Variants in SNX24 observed in about 807,000 individuals in gnomAD.
SNX24 encodes sorting nexin 24.
In SNX24, 22 loss-of-function variants were observed where a neutral mutation model predicts 28.7. The observed-to-expected ratio is 0.77, with a 90% CI of 0.55 to 1.10. SNX24 has a LOEUF of 1.10. SNX24 is among the 50% of genes least tolerant of loss of function. The pLI is 0.00. For synonymous variants in SNX24, 69 were observed against 71.5 expected, an observed-to-expected ratio of 0.96 and a Z score of 0.18; for missense variants, 221 against 201.1, an observed-to-expected ratio of 1.10 and a Z score of -0.60.
At chr5:122,845,773 G>A in intron 1 of SNX24, 80 bp downstream of exon 1, 1 of 832,828 alleles carries the variant, frequency 1.2e-6, no homozygotes, top group Non-Finnish European at 1.7e-6. Context: ...CTTGGCCGCC[G>A]CCGCCTTGGC....
chr5:122,855,881 T>A (rs1470612424), intron 1 of SNX24, among the ~76,000 whole-genome samples: 1 of 152,174 alleles, frequency 6.6e-6, no homozygotes, highest in East Asian at 1.9e-4. Context: ...TAGTGAGGCC[T>A]AAGGAGAGGG....
chr5:122,964,778 T>C (rs1422252769), intron 3 of SNX24, among the ~76,000 whole-genome samples: 2 of 152,208 alleles, frequency 1.3e-5, no homozygotes, highest in Admixed American at 6.5e-5. Context: ...TTGAAGAAGC[T>C]GCCAAATATC....
intron 1 of SNX24, 97 bp downstream of exon 1, chr5:122,845,790 G>T (rs1432630284): frequency 3.0e-6 from 2 of 665,958 alleles, no homozygotes; most frequent in Non-Finnish European, 4.3e-6. Flanking sequence ...TGGCGCAGGG[G>T]GTCCCCTCGT....
intron 1 of SNX24, among the ~76,000 whole-genome samples, chr5:122,876,191 A>G (rs1183661116): frequency 6.6e-6 from 1 of 152,210 alleles, no homozygotes; most frequent in African/African-American, 2.4e-5. Context: ...ATGGGTAGGC[A>G]GTAGGTTTTT....
intron 2 of SNX24, among the ~76,000 whole-genome samples, chr5:122,940,667 G>T (rs371099131): frequency 6.6e-6 from 1 of 152,104 alleles, no homozygotes; most frequent in Non-Finnish European, 1.5e-5. Flanking sequence ...CGTCTCCCAG[G>T]TTCAAACGAT....
intron 5 of SNX24, among the ~76,000 whole-genome samples, chr5:123,001,715 T>C: frequency 6.6e-6 from 1 of 152,238 alleles, no homozygotes. Flanking sequence ...TGATTTATTG[T>C]ATAGATTGTA....
Position 123,008,714 on chromosome 5 carries a change from T to A in SNX24, c.*965T>A, listed in dbSNP as rs969360306. On this transcript the variant is annotated 3_prime_UTR_variant, in exon 7 of 7. Transcript: ENST00000261369. ...TTTACTCAAGGGTGTGCATTCATTT[T>A]AGGTGGGATCGCCACAGGATTTCAT... 3.6e-5 allele frequency: 11 copies of A among 305,430 alleles called. No individual in the cohort carries two copies. Among genetic ancestry groups the A allele is most frequent in the African/African-American group, 2.5e-4 (11 of 44,270 alleles). 18.9% of individuals were successfully genotyped at this position (305,430 alleles called of 1,614,324 possible). A position where few individuals can be genotyped will look rare whatever the true frequency, so the allele number is the denominator to read the frequency against.
Position 123,007,916 on chromosome 5 carries a change from G to GTCC in SNX24, c.*167_*168insTCC. ...GCAGGGACATTTCCATTAGAATGGT[G>GTCC]CTCTTAAAAATAGAAACTGAACCGG... On this transcript the variant is annotated 3_prime_UTR_variant, in exon 7 of 7. Transcript: ENST00000261369. The GTCC allele has an allele frequency of 3.5e-6, 5 of 1,419,354 alleles. No homozygotes were observed. Among genetic ancestry groups the GTCC allele is most frequent in the Non-Finnish European group, 4.6e-6 (5 of 1,083,882 alleles). The allele number at this position is 1,419,354 out of a possible 1,614,324, so 87.9% of individuals were successfully genotyped here.
intron 1 of SNX24, among the ~76,000 whole-genome samples, chr5:122,864,446 C>T (rs974266134): frequency 6.6e-6 from 1 of 152,106 alleles, no homozygotes. Flanking sequence ...ACAGGGGAAC[C>T]GCAACAGAGA....
chr5:122,981,151 A>G (rs1761378288), intron 3 of SNX24, among the ~76,000 whole-genome samples: 1 of 152,228 alleles, frequency 6.6e-6, no homozygotes, highest in African/African-American at 2.4e-5. Context: ...TATTTGTGCC[A>G]ATTTAGTATG....
intron 1 of SNX24, among the ~76,000 whole-genome samples, chr5:122,886,564 C>G (rs1756725513): frequency 1.3e-5 from 2 of 152,134 alleles, no homozygotes; most frequent in Non-Finnish European, 2.9e-5. Flanking sequence ...CCTGTAATCC[C>G]AGCACTTTGG....
intron 3 of SNX24, among the ~76,000 whole-genome samples, chr5:122,948,417 A>G (rs956495683): frequency 1.3e-5 from 2 of 152,146 alleles, no homozygotes; most frequent in African/African-American, 4.8e-5. Flanking sequence ...GGCCAGTAGT[A>G]TGGTCCTGAT....
intron 3 of SNX24, among the ~76,000 whole-genome samples, chr5:122,951,631 AACTT>A (rs781277850): frequency 6.6e-6 from 1 of 152,222 alleles, no homozygotes; most frequent in African/African-American, 2.4e-5. Context: ...AAAGTACAGA[AACTT>A]AAGAATGAAT....
chr5:122,977,493 T>G (rs1581823706), intron 3 of SNX24, among the ~76,000 whole-genome samples: 2 of 152,336 alleles, frequency 1.3e-5, no homozygotes, highest in East Asian at 3.9e-4. Context: ...AACTTGACAG[T>G]GAGTACAGCA....
chr5:122,901,767 C>A (rs1757459168), intron 1 of SNX24, among the ~76,000 whole-genome samples: 1 of 152,104 alleles, frequency 6.6e-6, no homozygotes, highest in African/African-American at 2.4e-5. Flanking sequence ...GGGGTAATAC[C>A]AGAGATGCCT....
chr5:122,911,511 T>G (rs1325905267), intron 1 of SNX24, among the ~76,000 whole-genome samples: 5 of 151,336 alleles, frequency 3.3e-5, no homozygotes, highest in Non-Finnish European at 7.4e-5. Context: ...TTGTTGCCAT[T>G]GCTTTTGGTG....
chr5:122,947,800 T>C (rs1197407153), intron 3 of SNX24, among the ~76,000 whole-genome samples: 1 of 152,212 alleles, frequency 6.6e-6, no homozygotes, highest in African/African-American at 2.4e-5. Flanking sequence ...AAGCCAGATT[T>C]TCCATGATAT....
At chr5:123,016,092 G>A (rs554717476) in intron 5 of SNX24, among the ~76,000 whole-genome samples, 4 of 152,196 alleles carry the variant, frequency 2.6e-5, no homozygotes, top group East Asian at 3.9e-4. Context: ...TTCCAAATTC[G>A]ACCTTGGTAA....
intron 3 of SNX24, among the ~76,000 whole-genome samples, chr5:122,974,902 C>T (rs1761106881): frequency 6.6e-6 from 1 of 152,198 alleles, no homozygotes; most frequent in Non-Finnish European, 1.5e-5. Context: ...CTGCCAGCTG[C>T]TAATCATGTC....
Sources: gnomAD v4.1 joint callset for allele counts (sites outside exome capture counted in the v4.1 genomes callset) on GRCh38, gnomAD v4.1.1 for gene constraint, MANE v1.5 for transcripts, NCBI Gene and HGNC (gene_info 2026-07-23, HGNC 2026-07-21) for gene names.